DLGAP1: variants seen among roughly 807,000 people sequenced by gnomAD.
DLGAP1 encodes disks large-associated protein 1.
DLGAP1 carries 11 observed loss-of-function variants against 90.8 expected under a neutral mutation model. The ratio of observed to expected loss-of-function variants is 0.12; its 90% CI spans 0.08 to 0.20. The LOEUF (loss-of-function observed/expected upper bound fraction) is 0.20, where lower values mean the gene tolerates loss of function less well. Among genes scored for constraint, DLGAP1 ranks in the 10% least tolerant of loss-of-function variants. The pLI is 1.00. For missense variants in DLGAP1, 1,050 were observed against 1,333.8 expected, an observed-to-expected ratio of 0.79 and a Z score of 3.31; for synonymous variants, 558 against 540.7, an observed-to-expected ratio of 1.03 and a Z score of -0.44.
intron 2 of DLGAP1, among the ~76,000 whole-genome samples, chr18:4,067,256 T>G (rs757043535): frequency 1.3e-5 from 2 of 151,254 alleles, no homozygotes; most frequent in Non-Finnish European, 2.9e-5. Context: ...GATGAAATAA[T>G]CCATACAACA....
intron 1 of DLGAP1, among the ~76,000 whole-genome samples, chr18:4,403,940 C>T (rs1285902182): frequency 6.6e-6 from 1 of 152,154 alleles, no homozygotes; most frequent in African/African-American, 2.4e-5. Flanking sequence ...CTTTTTCCCA[C>T]TTGCTCAGAG....
intron 5 of DLGAP1, among the ~76,000 whole-genome samples, chr18:3,792,383 G>T (rs1228450760): frequency 2.0e-5 from 3 of 152,064 alleles, no homozygotes; most frequent in Non-Finnish European, 2.9e-5. Context: ...TTGGGAGGCT[G>T]GGGCAGGAGA....
intron 1 of DLGAP1, among the ~76,000 whole-genome samples, chr18:4,207,702 T>G (rs887098020): frequency 2.0e-5 from 3 of 152,096 alleles, no homozygotes; most frequent in African/African-American, 7.2e-5. Flanking sequence ...CACCCGCTTC[T>G]CCACATGAGC....
rs1399004561 is a variant in DLGAP1, at chr18:3,525,107, AC to A, written c.2479+9086del. Among the ~76,000 whole-genome samples, 8 of 151,934 alleles carry A rather than the reference AC, an allele frequency of 5.3e-5. No individual in the cohort carries two copies. In the East Asian group the frequency reaches 5.8e-4, roughly 11 times the overall value. On this transcript the variant is annotated intron_variant, in intron 10 of 12. Coordinates refer to ENST00000315677, the MANE Select transcript of DLGAP1 (RefSeq NM_004746.4). ...TTCTGGGGGAAAAAAAAAAAAATCA[AC>A]AACATTATTTTGTTTTTAAAGAGCA...
intron 7 of DLGAP1, among the ~76,000 whole-genome samples, chr18:3,702,953 T>C (rs2061328821): frequency 1.3e-5 from 2 of 152,064 alleles, no homozygotes; most frequent in Admixed American, 1.3e-4. Context: ...GTCTTAGAAA[T>C]TGACATGAAA....
intron 3 of DLGAP1, among the ~76,000 whole-genome samples, chr18:3,903,324 G>T (rs1180870222): frequency 6.6e-6 from 1 of 152,174 alleles, no homozygotes; most frequent in African/African-American, 2.4e-5. Flanking sequence ...TTAGATCACA[G>T]AAACCTACCT....
chr18:3,708,304 G>A (rs1038142488), intron 7 of DLGAP1: 7 of 407,212 alleles, frequency 1.7e-5, no homozygotes, highest in Non-Finnish European at 3.5e-5. Context: ...ACTGTGCCCA[G>A]CTGTAATTCC....
intron 7 of DLGAP1, among the ~76,000 whole-genome samples, chr18:3,601,168 C>A (rs2057004221): frequency 6.6e-6 from 1 of 151,748 alleles, no homozygotes; most frequent in African/African-American, 2.4e-5. Flanking sequence ...CTCACTGCAA[C>A]CTCCACTTCC....
At chr18:4,041,366 C>A (rs960370084) in intron 2 of DLGAP1, among the ~76,000 whole-genome samples, 1 of 152,162 alleles carries the variant, frequency 6.6e-6, no homozygotes, top group Non-Finnish European at 1.5e-5. Flanking sequence ...TATTCCCAGG[C>A]AGGCTACAGT....
chr18:3,926,440 A>ACG (rs2072388995), intron 3 of DLGAP1, among the ~76,000 whole-genome samples: 1 of 150,688 alleles, frequency 6.6e-6, no homozygotes, highest in Non-Finnish European at 1.5e-5. Context: ...ACACACACAC[A>ACG]CACACATGCA....
Position 4,140,846 on chromosome 18 carries a change from T to C in DLGAP1, c.-159+10334A>G, listed in dbSNP as rs1266555141. Reference sequence around the variant, plus strand: ...AATATTTTTCCTTCAGCACTTTAAATATGTCATGCCACTCTCTCCTGGCCT... The same window carrying C: ...AATATTTTTCCTTCAGCACTTTAAACATGTCATGCCACTCTCTCCTGGCCT... On this transcript the variant is annotated intron_variant, in intron 2 of 12. Coordinates refer to ENST00000315677, the MANE Select transcript of DLGAP1 (RefSeq NM_004746.4). 3.3e-5 allele frequency among the ~76,000 whole-genome samples: 5 copies of C among 152,150 alleles called. No individual in the cohort carries two copies. The East Asian group carries it at 9.6e-4, about 29-fold the overall frequency.
At chr18:3,915,939 A>C (rs1428134054) in intron 3 of DLGAP1, among the ~76,000 whole-genome samples, 1 of 152,184 alleles carries the variant, frequency 6.6e-6, no homozygotes, top group Admixed American at 6.5e-5. Flanking sequence ...ATTTCTATAA[A>C]GTAAAAGTCA....
chr18:4,422,137 T>C (rs2083050787), intron 1 of DLGAP1, among the ~76,000 whole-genome samples: 1 of 152,080 alleles, frequency 6.6e-6, no homozygotes, highest in Admixed American at 6.6e-5. Flanking sequence ...AGGTTGAATC[T>C]AGTATAAAAT....
intron 2 of DLGAP1, among the ~76,000 whole-genome samples, chr18:4,007,007 C>G (rs572982228): frequency 1.3e-5 from 2 of 152,094 alleles, no homozygotes; most frequent in East Asian, 1.9e-4. Context: ...AAGAAACATA[C>G]AGTAATTGTA....
intron 2 of DLGAP1, among the ~76,000 whole-genome samples, chr18:4,095,027 A>T (rs1235608822): frequency 6.6e-6 from 1 of 152,214 alleles, no homozygotes; most frequent in East Asian, 1.9e-4. Flanking sequence ...TTCAGTCAGC[A>T]GTATCACCTT....
At chr18:3,508,881 A>T (rs902054058) in intron 10 of DLGAP1, among the ~76,000 whole-genome samples, 2 of 152,096 alleles carry the variant, frequency 1.3e-5, no homozygotes, top group Admixed American at 1.3e-4. Flanking sequence ...ACTTGGAAAA[A>T]CACATGCTCC....
At chr18:4,370,058 G>C (rs778878745) in intron 1 of DLGAP1, among the ~76,000 whole-genome samples, 3 of 152,210 alleles carry the variant, frequency 2.0e-5, no homozygotes, top group Non-Finnish European at 2.9e-5. Flanking sequence ...TAGACTGGAA[G>C]AGAAAAAAGG....
At chr18:3,524,717 A>G (rs546006250) in intron 10 of DLGAP1, among the ~76,000 whole-genome samples, 1 of 152,306 alleles carries the variant, frequency 6.6e-6, no homozygotes, top group Admixed American at 6.5e-5. Flanking sequence ...ACCCTGTCTC[A>G]ATAAATAAAT....
intron 2 of DLGAP1, among the ~76,000 whole-genome samples, chr18:4,149,907 T>G (rs1211355613): frequency 6.6e-6 from 1 of 152,208 alleles, no homozygotes; most frequent in Non-Finnish European, 1.5e-5. Flanking sequence ...TTTCTACCCA[T>G]GCATGGCTGG....
Sources: allele counts gnomAD v4.1 joint callset (sites outside exome capture counted in the v4.1 genomes callset), GRCh38; gene constraint gnomAD v4.1.1; transcripts MANE v1.5; gene names NCBI Gene and HGNC (gene_info 2026-07-23, HGNC 2026-07-21).